Variants in CHRM3 observed in about 807,000 individuals in gnomAD.
The protein encoded by CHRM3 is muscarinic acetylcholine receptor M3.
In CHRM3, 11 loss-of-function variants were observed where a neutral mutation model predicts 41.8. The ratio of observed to expected loss-of-function variants is 0.26; its 90% CI spans 0.17 to 0.44. CHRM3 has a LOEUF of 0.44. Ranked by LOEUF, CHRM3 falls within the 20% of genes least tolerant of loss-of-function variation. CHRM3 has a pLI of 1.00. For missense variants in CHRM3, 571 were observed against 745.4 expected, an observed-to-expected ratio of 0.77 and a Z score of 2.72; for synonymous variants, 297 against 301.4, an observed-to-expected ratio of 0.99 and a Z score of 0.15.
chr1:239,815,495 G>A (rs1332537998), intron 5 of CHRM3, among the ~76,000 whole-genome samples: 2 of 152,138 alleles, frequency 1.3e-5, no homozygotes, highest in Non-Finnish European at 2.9e-5. Context: ...ATTTTCATGT[G>A]AATGACATTA....
intron 5 of CHRM3, among the ~76,000 whole-genome samples, chr1:239,751,194 C>T (rs910154688): frequency 8.7e-5 from 13 of 149,866 alleles, no homozygotes; most frequent in African/African-American, 2.2e-4. Flanking sequence ...GCCGACATCG[C>T]GCCACTACAC....
intron 3 of CHRM3, among the ~76,000 whole-genome samples, chr1:239,580,898 T>C (rs565035703): frequency 1.1e-3 from 168 of 151,924 alleles, no homozygotes; most frequent in Non-Finnish European, 1.8e-3. Flanking sequence ...TTTCTCCACC[T>C]TTGGCAGGGC....
chr1:239,479,164 A>C (rs1666655618), intron 1 of CHRM3, among the ~76,000 whole-genome samples: 1 of 150,708 alleles, frequency 6.6e-6, no homozygotes, highest in Non-Finnish European at 1.5e-5. Context: ...AGCCTGGGTG[A>C]CAGAGTGAAA....
At chr1:239,796,590 G>A (rs192432558) in intron 5 of CHRM3, among the ~76,000 whole-genome samples, 130 of 152,078 alleles carry the variant, frequency 8.5e-4, no homozygotes, top group African/African-American at 2.9e-3. Context: ...GCACATGGCC[G>A]TGGTCAGAGC....
chr1:239,881,262 G>C (rs1230420836), intron 6 of CHRM3, among the ~76,000 whole-genome samples: 27 of 99,522 alleles, frequency 2.7e-4, no homozygotes, highest in African/African-American at 9.8e-4. Flanking sequence ...CAGCCTGGGC[G>C]ACAGAGTGAG....
At chr1:239,399,269 GCTTTGATATCGTGGTA>G (rs929585109) in intron 1 of CHRM3, among the ~76,000 whole-genome samples, 17 of 150,750 alleles carry the variant, frequency 1.1e-4, no homozygotes, top group African/African-American at 4.1e-4. Context: ...ACAGTGTAAT[GCTTTGATATCGTGGTA>G]CTTTGTGAAA....
At chr1:239,840,039 AC>A (rs922480292) in intron 6 of CHRM3, among the ~76,000 whole-genome samples, 4 of 152,218 alleles carry the variant, frequency 2.6e-5, no homozygotes, top group African/African-American at 9.6e-5. Context: ...GCACGCATAC[AC>A]TTTTACTCTA....
chr1:239,657,417 A>G (rs965158640), intron 4 of CHRM3, among the ~76,000 whole-genome samples: 1 of 152,186 alleles, frequency 6.6e-6, no homozygotes, highest in Non-Finnish European at 1.5e-5. Flanking sequence ...AAGAACAAAA[A>G]CTGAGAGAGG....
intron 6 of CHRM3, among the ~76,000 whole-genome samples, chr1:239,841,564 G>T (rs546198274): frequency 6.6e-6 from 1 of 152,228 alleles, no homozygotes; most frequent in African/African-American, 2.4e-5. Context: ...AGTCCCATAT[G>T]GTTGCAAAAC....
chr1:239,883,272 G>A (rs1572585970), intron 6 of CHRM3, among the ~76,000 whole-genome samples: 2 of 152,132 alleles, frequency 1.3e-5, no homozygotes, highest in East Asian at 1.9e-4. Flanking sequence ...GTTAAATGCC[G>A]CCTCATTAGA....
intron 5 of CHRM3, among the ~76,000 whole-genome samples, chr1:239,785,744 G>A (rs1483009857): frequency 3.3e-5 from 5 of 151,234 alleles, no homozygotes; most frequent in Non-Finnish European, 5.9e-5. Flanking sequence ...GTTTCTTCGT[G>A]GAAAAAAAAA....
chr1:239,419,119 G>A (rs1210748366), intron 1 of CHRM3, among the ~76,000 whole-genome samples: 1 of 152,120 alleles, frequency 6.6e-6, no homozygotes, highest in Non-Finnish European at 1.5e-5. Flanking sequence ...AGGAGGGAAG[G>A]AAGTCAAAGG....
chr1:239,770,190 T>C (rs1667549633), intron 5 of CHRM3, among the ~76,000 whole-genome samples: 1 of 152,268 alleles, frequency 6.6e-6, no homozygotes, highest in Non-Finnish European at 1.5e-5. Flanking sequence ...ATTTCAAGCA[T>C]GTGTTGTTGC....
intron 5 of CHRM3, among the ~76,000 whole-genome samples, chr1:239,702,087 A>G (rs1237446273): frequency 6.6e-6 from 1 of 152,152 alleles, no homozygotes; most frequent in Non-Finnish European, 1.5e-5. Context: ...ATTTCATTCA[A>G]TGCTTTGGTA....
chr1:239,565,594 T>C (rs1661281849), intron 3 of CHRM3, among the ~76,000 whole-genome samples: 1 of 152,216 alleles, frequency 6.6e-6, no homozygotes, highest in African/African-American at 2.4e-5. Flanking sequence ...GAATTTATTT[T>C]TTAAGATTTA....
chr1:239,541,169 G>A (rs1198358234), intron 2 of CHRM3, among the ~76,000 whole-genome samples: 3 of 143,794 alleles, frequency 2.1e-5, no homozygotes, highest in African/African-American at 7.8e-5. Context: ...ACTCAGGTGA[G>A]CAAGAACCTA....
At chr1:239,405,143 C>A (rs1289806701) in intron 1 of CHRM3, among the ~76,000 whole-genome samples, 2 of 152,076 alleles carry the variant, frequency 1.3e-5, no homozygotes, top group African/African-American at 4.8e-5. Context: ...ACAACTAATA[C>A]TTTTTCATGA....
At chr1:239,705,876 C>G (rs1661112668) in intron 5 of CHRM3, among the ~76,000 whole-genome samples, 1 of 151,690 alleles carries the variant, frequency 6.6e-6, no homozygotes, top group Non-Finnish European at 1.5e-5. Context: ...ATAAAATTAC[C>G]TTGGAATACT....
chr1:239,613,813 T>C (rs1276103503), intron 3 of CHRM3, among the ~76,000 whole-genome samples: 1 of 152,132 alleles, frequency 6.6e-6, no homozygotes, highest in Non-Finnish European at 1.5e-5. Context: ...CAACCCGCAG[T>C]AATGACTCCA....
Sources: gnomAD v4.1 joint callset for allele counts (sites outside exome capture counted in the v4.1 genomes callset) on GRCh38, gnomAD v4.1.1 for gene constraint, MANE v1.5 for transcripts, NCBI Gene and HGNC (gene_info 2026-07-23, HGNC 2026-07-21) for gene names.